The following GABRB1 variants were observed in gnomAD, a reference collection of about 807,000 sequenced individuals.
GABRB1 encodes gamma-aminobutyric acid receptor subunit beta-1.
Under a neutral mutation model 51.6 loss-of-function variants are expected in GABRB1, and 17 were observed. The observed-to-expected ratio is 0.33, with a 90% CI of 0.23 to 0.49. The LOEUF (loss-of-function observed/expected upper bound fraction) is 0.49, where lower values mean the gene tolerates loss of function less well. Ranked by LOEUF, GABRB1 falls within the 20% of genes least tolerant of loss-of-function variation. The pLI is 0.99. For synonymous variants in GABRB1, 247 were observed against 218.9 expected (o/e 1.13, Z -1.14); for missense variants, 410 against 600.6 (o/e 0.68, Z 3.32).
intron 3 of GABRB1, among the ~76,000 whole-genome samples, chr4:47,132,420 T>C (rs890487787): frequency 1.3e-5 from 2 of 151,544 alleles, no homozygotes; most frequent in Non-Finnish European, 2.9e-5. Flanking sequence ...TGGTTTGGTT[T>C]GGTTTGGTTT....
chr4:47,416,713 A>G (rs1048017375), intron 8 of GABRB1, among the ~76,000 whole-genome samples: 1 of 152,010 alleles, frequency 6.6e-6, no homozygotes, highest in Non-Finnish European at 1.5e-5. Context: ...CAGCCTCCCA[A>G]ATTGCTGGGA....
intron 5 of GABRB1, among the ~76,000 whole-genome samples, chr4:47,336,557 C>A (rs1337369774): frequency 6.6e-6 from 1 of 152,022 alleles, no homozygotes; most frequent in African/African-American, 2.4e-5. Flanking sequence ...AGTGGCAGAG[C>A]CAAATCTGCA....
chr4:47,350,244 G>GAGAGAGAGAGAGAGAGA (rs1553877270), intron 5 of GABRB1, among the ~76,000 whole-genome samples: 1 of 135,454 alleles, frequency 7.4e-6, no homozygotes, highest in African/African-American at 2.8e-5. Context: ...GAGAGAGAGA[G>GAGAGAGAGAGAGAGAGA]GTTTTAAGGC....
rs774174158 is a variant in GABRB1, at chr4:47,164,274, A to G, written c.461+2805A>G. Among the ~76,000 whole-genome samples the G allele has an allele frequency of 2.6e-5, 4 of 152,036 alleles. No homozygotes were observed. The South Asian group carries it at 6.2e-4, about 24-fold the overall frequency. On this transcript the variant is annotated intron_variant, in intron 4 of 8. Transcript: ENST00000295454. ...CAAATTCCATTGCTTCTGTGATCCTATGTATTAGGGCATGTTCATTTTAAT... is the reference window on the plus strand; with the variant it reads ...CAAATTCCATTGCTTCTGTGATCCTGTGTATTAGGGCATGTTCATTTTAAT...
chr4:47,233,003 T>C (rs1017842758), intron 4 of GABRB1, among the ~76,000 whole-genome samples: 1 of 151,594 alleles, frequency 6.6e-6, no homozygotes, highest in Non-Finnish European at 1.5e-5. Flanking sequence ...GCCTCCGGAG[T>C]AGCTGGGACT....
chr4:47,104,253 A>T (rs1264559809), intron 3 of GABRB1, among the ~76,000 whole-genome samples: 1 of 151,842 alleles, frequency 6.6e-6, no homozygotes, highest in Non-Finnish European at 1.5e-5. Flanking sequence ...TCTAATAAAA[A>T]GTATAATATA....
chr4:47,367,907 C>T (rs959523970), intron 5 of GABRB1, among the ~76,000 whole-genome samples: 1 of 152,196 alleles, frequency 6.6e-6, no homozygotes, highest in African/African-American at 2.4e-5. Context: ...TAAAGGCTGA[C>T]TGATTATAAC....
At chr4:47,003,320 C>T (rs1360019318) in intron 1 of GABRB1, among the ~76,000 whole-genome samples, 1 of 152,184 alleles carries the variant, frequency 6.6e-6, no homozygotes, top group Non-Finnish European at 1.5e-5. Context: ...TGTTGTAATT[C>T]TGTGGACCGT....
chr4:47,136,665 T>C (rs1716671347), intron 3 of GABRB1, among the ~76,000 whole-genome samples: 1 of 152,048 alleles, frequency 6.6e-6, no homozygotes, highest in Non-Finnish European at 1.5e-5. Flanking sequence ...TCTAATGATA[T>C]GGTCTTTTCA....
At chr4:47,168,561 G>T (rs774419712) in intron 4 of GABRB1, among the ~76,000 whole-genome samples, 1 of 151,978 alleles carries the variant, frequency 6.6e-6, no homozygotes, top group Non-Finnish European at 1.5e-5. Context: ...CTGCTTTTAG[G>T]GTTGTGTTTT....
At chr4:47,141,326 A>G (rs1716925135) in intron 3 of GABRB1, among the ~76,000 whole-genome samples, 1 of 151,914 alleles carries the variant, frequency 6.6e-6, no homozygotes, top group Non-Finnish European at 1.5e-5. Flanking sequence ...CAAGTAGCTT[A>G]TGCACATGCC....
At chr4:47,065,655 C>T (rs142386159) in intron 3 of GABRB1, among the ~76,000 whole-genome samples, 414 of 152,316 alleles carry the variant, frequency 2.7e-3, no homozygotes, top group Non-Finnish European at 4.4e-3. Flanking sequence ...GTAATATAAA[C>T]TTGCCAGTCT....
intron 4 of GABRB1, among the ~76,000 whole-genome samples, chr4:47,170,833 C>A (rs1163734660): frequency 6.6e-6 from 1 of 152,088 alleles, no homozygotes; most frequent in African/African-American, 2.4e-5. Context: ...CACTAAAGGA[C>A]ACAGTGTTGA....
intron 5 of GABRB1, among the ~76,000 whole-genome samples, chr4:47,347,457 G>C (rs1266629848): frequency 6.6e-6 from 1 of 152,146 alleles, no homozygotes; most frequent in Non-Finnish European, 1.5e-5. Flanking sequence ...AGAAGTGTGA[G>C]TATAGAAGGT....
intron 3 of GABRB1, among the ~76,000 whole-genome samples, chr4:47,073,849 G>A (rs562236237): frequency 2.6e-5 from 4 of 152,026 alleles, no homozygotes; most frequent in Non-Finnish European, 5.9e-5. Context: ...ACATAAGCAG[G>A]CTATTTATCT....
At chr4:47,070,426 A>G (rs1322021099) in intron 3 of GABRB1, among the ~76,000 whole-genome samples, 1 of 151,814 alleles carries the variant, frequency 6.6e-6, no homozygotes, top group African/African-American at 2.4e-5. Context: ...CCACCTGCCG[A>G]GTTCAAGCGA....
chr4:47,099,193 CTCAAA>C (rs1260241228), intron 3 of GABRB1, among the ~76,000 whole-genome samples: 1 of 152,078 alleles, frequency 6.6e-6, no homozygotes, highest in African/African-American at 2.4e-5. Flanking sequence ...AGCAGTGCTT[CTCAAA>C]TAACAAGGGC....
At chr4:47,235,929 T>C (rs1721316186) in intron 4 of GABRB1, among the ~76,000 whole-genome samples, 1 of 152,132 alleles carries the variant, frequency 6.6e-6, no homozygotes, top group Non-Finnish European at 1.5e-5. Flanking sequence ...TGTCTTATCT[T>C]TATAGCACAA....
At chr4:47,240,478 T>C (rs1227290325) in intron 4 of GABRB1, among the ~76,000 whole-genome samples, 1 of 152,190 alleles carries the variant, frequency 6.6e-6, no homozygotes, top group African/African-American at 2.4e-5. Context: ...ATTGATCCAA[T>C]GCCAGAAAAG....
Sources: gnomAD v4.1 joint callset for allele counts (sites outside exome capture counted in the v4.1 genomes callset) on GRCh38, gnomAD v4.1.1 for gene constraint, MANE v1.5 for transcripts, NCBI Gene and HGNC (gene_info 2026-07-23, HGNC 2026-07-21) for gene names.